Variants in PPFIA2 observed in about 807,000 individuals in gnomAD.
PPFIA2 encodes the protein PPFI scaffold protein A2.
In PPFIA2, 46 loss-of-function variants were observed where a neutral mutation model predicts 175.5. The observed-to-expected ratio is 0.26, with a 90% CI of 0.21 to 0.34. PPFIA2 has a LOEUF of 0.34. Among genes scored for constraint, PPFIA2 ranks in the 10% least tolerant of loss-of-function variants. PPFIA2 has a pLI of 1.00. For synonymous variants in PPFIA2, 568 were observed against 511.4 expected (o/e 1.11, Z -1.49); for missense variants, 1,179 against 1,506.1 (o/e 0.78, Z 3.60).
At position 81,685,476 on chromosome 12, in the gene PPFIA2, C is replaced by T. The variant is rs147169707; in HGVS notation, c.250-8632G>A. Among the ~76,000 whole-genome samples, 18 of 152,170 alleles carry T rather than the reference C, an allele frequency of 1.2e-4. 1 individual carries two copies. The highest frequency in any genetic ancestry group is 4.1e-4 in the African/African-American group (17 of 41,544). On this transcript the variant is annotated intron_variant, in intron 3 of 32. Transcript: ENST00000549396. ...ACTTTGAGTATAGGCCAGCCTGAAT[C>T]TGAATTTTCCTTAAGCCACACAATT...
intron 4 of PPFIA2, among the ~76,000 whole-genome samples, chr12:81,534,148 T>A (rs747109402): frequency 4.0e-5 from 6 of 151,612 alleles, no homozygotes; most frequent in Admixed American, 2.0e-4. Context: ...AGAATGGTAG[T>A]TACCAGAGGC....
intron 18 of PPFIA2, among the ~76,000 whole-genome samples, chr12:81,345,149 G>A (rs1306793486): frequency 6.6e-6 from 1 of 152,056 alleles, no homozygotes; most frequent in Non-Finnish European, 1.5e-5. Context: ...TTGGGCAGAT[G>A]TGCTGTTCCT....
chr12:81,294,711 T>G, intron 24 of PPFIA2, 124 bp downstream of exon 24: 1 of 909,766 alleles, frequency 1.1e-6, no homozygotes, highest in Non-Finnish European at 1.7e-6. Context: ...AAGAGCAAGC[T>G]TAATCTCTTG....
chr12:81,426,538 ATGG>A (rs369942927), intron 7 of PPFIA2, among the ~76,000 whole-genome samples: 1 of 152,322 alleles, frequency 6.6e-6, no homozygotes, highest in African/African-American at 2.4e-5. Flanking sequence ...GTAATAGTAT[ATGG>A]TAAATACCAA....
At chr12:81,648,423 TAGTA>T (rs571437637) in intron 4 of PPFIA2, among the ~76,000 whole-genome samples, 148 of 152,046 alleles carry the variant, frequency 9.7e-4, no homozygotes, top group Middle Eastern at 3.4e-3. Context: ...AAAAAATCAA[TAGTA>T]AGTTGATACA....
intron 4 of PPFIA2, among the ~76,000 whole-genome samples, chr12:81,625,324 T>A (rs2062572103): frequency 6.6e-6 from 1 of 151,910 alleles, no homozygotes; most frequent in African/African-American, 2.4e-5. Context: ...TTAATCTCTG[T>A]AAGTCAAATA....
intron 4 of PPFIA2, among the ~76,000 whole-genome samples, chr12:81,591,247 G>A (rs1459737886): frequency 3.3e-5 from 5 of 152,184 alleles, no homozygotes; most frequent in Admixed American, 2.0e-4. Context: ...ATATCTGGCA[G>A]AAGAAATTTC....
chr12:81,445,462 C>CT (rs1484615287), intron 6 of PPFIA2, 94 bp downstream of exon 6: 2 of 1,211,892 alleles, frequency 1.7e-6, no homozygotes, highest in Non-Finnish European at 2.3e-6. Flanking sequence ...AACTGACTGA[C>CT]TTTAGGAGTC....
intron 3 of PPFIA2, among the ~76,000 whole-genome samples, chr12:81,680,344 T>C (rs1029043694): frequency 1.3e-5 from 2 of 152,004 alleles, no homozygotes; most frequent in African/African-American, 4.8e-5. Flanking sequence ...TAGTTAATTA[T>C]TTTCTCACTT....
chr12:81,751,534 T>TAC (rs10591884), intron 3 of PPFIA2, among the ~76,000 whole-genome samples: 9,364 of 144,192 alleles, frequency 0.065, 355 homozygotes, highest in East Asian at 0.13. Context: ...TATAATATGC[T>TAC]ACACACACAC....
At position 81,754,643 on chromosome 12, in the gene PPFIA2, T is replaced by C. The variant is rs529224798; in HGVS notation, c.-2-420A>G. On this transcript the variant is annotated intron_variant, in intron 2 of 32. Transcript: ENST00000549396. ...ATTTGTTATTACTGTATATTATTAA[T>C]GGCAAGCACAGTGTCTGGCATTTAA... Among the ~76,000 whole-genome samples, 86 of 152,360 alleles carry C rather than the reference T, an allele frequency of 5.6e-4. 1 individual carries two copies. Among genetic ancestry groups the C allele is most frequent in the South Asian group, 2.1e-3 (10 of 4,826 alleles).
At chr12:81,471,239 G>A (rs1282809341) in intron 4 of PPFIA2, 2 of 151,766 alleles carry the variant, frequency 1.3e-5, no homozygotes, top group Non-Finnish European at 2.9e-5. Context: ...TACCTCCTGA[G>A]CTCAAGGGGA....
intron 4 of PPFIA2, among the ~76,000 whole-genome samples, chr12:81,521,407 G>A (rs1032443715): frequency 3.9e-5 from 6 of 152,072 alleles, no homozygotes; most frequent in South Asian, 2.1e-4. Flanking sequence ...CTTTGGAAAC[G>A]ATTCATCTGC....
chr12:81,560,273 T>A (rs12815460), intron 4 of PPFIA2, among the ~76,000 whole-genome samples: 80,844 of 150,860 alleles, frequency 0.54, 22,061 homozygotes, highest in African/African-American at 0.66. Context: ...TGTGTGTGTG[T>A]GAGAGAGAGA....
intron 4 of PPFIA2, among the ~76,000 whole-genome samples, chr12:81,528,007 C>T (rs1310915692): frequency 2.6e-5 from 4 of 152,158 alleles, no homozygotes; most frequent in Non-Finnish European, 1.5e-5. Context: ...GCAGCCTGAA[C>T]GAACTAAGAC....
chr12:81,597,970 G>T, intron 4 of PPFIA2: 1 of 1,534,916 alleles, frequency 6.5e-7, no homozygotes, highest in Non-Finnish European at 8.7e-7. Flanking sequence ...TGTAAAACCG[G>T]GTCCCATTAG....
chr12:81,598,315 C>T lies in PPFIA2; in HGVS notation c.303+78476G>A, dbSNP rs575361030. ...ACAGAAGGAAAAAAGCAAGAACCAA[C>T]GATAAATGGAGCTTGTGCAGAATCT... On this transcript the variant is annotated intron_variant, in intron 4 of 32. Coordinates refer to ENST00000549396, the MANE Select transcript of PPFIA2 (RefSeq NM_003625.5). 1.4e-4 allele frequency: 166 copies of T among 1,166,692 alleles called. No homozygotes were observed. The South Asian group carries it at 1.8e-3, about 13-fold the overall frequency. 72.3% of individuals were successfully genotyped at this position (1,166,692 alleles called of 1,614,324 possible).
chr12:81,364,953 G>A (rs944366709), intron 14 of PPFIA2, among the ~76,000 whole-genome samples: 1 of 151,664 alleles, frequency 6.6e-6, no homozygotes, highest in African/African-American at 2.4e-5. Context: ...GTGTGGGAGT[G>A]GGGTGAGAAT....
intron 11 of PPFIA2, among the ~76,000 whole-genome samples, chr12:81,373,822 T>C (rs964517475): frequency 1.3e-5 from 2 of 152,072 alleles, no homozygotes; most frequent in Non-Finnish European, 2.9e-5. Flanking sequence ...TACTCACTTA[T>C]TGTAGTGGCC....
Sources: allele counts gnomAD v4.1 joint callset (sites outside exome capture counted in the v4.1 genomes callset), GRCh38; gene constraint gnomAD v4.1.1; transcripts MANE v1.5; gene names NCBI Gene and HGNC (gene_info 2026-07-23, HGNC 2026-07-21).